Variants in MCPH1 observed in about 807,000 individuals in gnomAD.
MCPH1 encodes the protein microcephalin.
Under a neutral mutation model 84.5 loss-of-function variants are expected in MCPH1, and 104 were observed. The ratio of observed to expected loss-of-function variants is 1.23; its 90% CI spans 1.05 to 1.45. The LOEUF (loss-of-function observed/expected upper bound fraction) is 1.45. Among genes scored for constraint, MCPH1 ranks in the 40% most tolerant of loss-of-function variants. The probability of loss-of-function intolerance (pLI) is 0.00; values close to 1 mark genes in which losing one functional copy is unlikely to be tolerated. For missense variants in MCPH1, 1,498 were observed against 1,005.7 expected (o/e 1.49, Z -6.62); for synonymous variants, 514 against 366.8 (o/e 1.40, Z -4.58).
intron 12 of MCPH1, among the ~76,000 whole-genome samples, chr8:6,581,279 A>T (rs1054963527): frequency 1.3e-5 from 2 of 152,216 alleles, no homozygotes; most frequent in African/African-American, 4.8e-5. Flanking sequence ...CTACTGTTCA[A>T]GGTCATCACC....
chr8:6,505,251 T>TATGTATATATAGAATA (rs1563305171), intron 12 of MCPH1, among the ~76,000 whole-genome samples: 2 of 82,220 alleles, frequency 2.4e-5, no homozygotes, highest in African/African-American at 1.0e-4. Context: ...TATATATTCT[T>TATGTATATATAGAATA]TATATATGTT....
intron 8 of MCPH1, among the ~76,000 whole-genome samples, chr8:6,452,062 G>C (rs1259665202): frequency 6.6e-6 from 1 of 152,152 alleles, no homozygotes; most frequent in Non-Finnish European, 1.5e-5. Flanking sequence ...TTTGACACAA[G>C]CCAAGTTTCT....
chr8:6,638,410 C>T (rs554633353), intron 13 of MCPH1, among the ~76,000 whole-genome samples: 30 of 152,146 alleles, frequency 2.0e-4, no homozygotes, highest in African/African-American at 6.7e-4. Flanking sequence ...TGCTGGCAAT[C>T]GCAGTTTTAG....
chr8:6,626,212 T>A (rs1006513228), intron 13 of MCPH1: 17 of 985,264 alleles, frequency 1.7e-5, no homozygotes, highest in Non-Finnish European at 1.8e-5. Flanking sequence ...CTTGCTGGCA[T>A]AGAACAGGGA....
intron 12 of MCPH1, among the ~76,000 whole-genome samples, chr8:6,583,730 G>A (rs563649987): frequency 1.3e-5 from 2 of 151,848 alleles, no homozygotes; most frequent in South Asian, 4.2e-4. Flanking sequence ...CAAGTTATCC[G>A]AGGCAGGTTA....
In MCPH1 at chr8:6,425,151, T is replaced by A. The variant is rs17076830; in HGVS notation, c.234-6348T>A. Among the ~76,000 whole-genome samples the A allele has an allele frequency of 8.1e-3, 1,239 of 152,286 alleles. 21 individuals are homozygous for A. Among genetic ancestry groups the A allele is most frequent in the African/African-American group, 0.028 (1,159 of 41,548 alleles). On this transcript the variant is annotated intron_variant, in intron 3 of 13. Coordinates refer to ENST00000344683, the MANE Select transcript of MCPH1 (RefSeq NM_024596.5). The stretch of plus-strand genomic sequence containing the variant: ...GAAGTGCTGGAGTGAATCGGCTCTC[T>A]GGGGAGAATAAGCTCATCACAGCAC...
At chr8:6,558,749 T>C (rs1000372895) in intron 12 of MCPH1, among the ~76,000 whole-genome samples, 2 of 152,174 alleles carry the variant, frequency 1.3e-5, no homozygotes, top group African/African-American at 4.8e-5. Context: ...ATCTAAATAG[T>C]TAATCCAGTA....
chr8:6,414,454 C>G (rs565835194), intron 2 of MCPH1, among the ~76,000 whole-genome samples: 2 of 152,070 alleles, frequency 1.3e-5, no homozygotes, highest in Non-Finnish European at 2.9e-5. Flanking sequence ...TGACTCTTTC[C>G]ATCTTTAAAA....
At chr8:6,460,492 A>G (rs73661746) in intron 9 of MCPH1, among the ~76,000 whole-genome samples, 2,571 of 152,214 alleles carry the variant, frequency 0.017, 79 homozygotes, top group African/African-American at 0.059. Context: ...CTGGGATTAC[A>G]GGCGGGAGCC....
intron 12 of MCPH1, among the ~76,000 whole-genome samples, chr8:6,620,828 T>A (rs1831333988): frequency 6.6e-6 from 1 of 152,306 alleles, no homozygotes; most frequent in African/African-American, 2.4e-5. Flanking sequence ...TTCACATCCC[T>A]GCTTCTGAAA....
chr8:6,423,803 C>T (rs1464597533), intron 3 of MCPH1, among the ~76,000 whole-genome samples: 3 of 152,136 alleles, frequency 2.0e-5, no homozygotes, highest in South Asian at 2.1e-4. Flanking sequence ...TTTCCATTCT[C>T]ACTGGAATTA....
chr8:6,414,038 C>G (rs981943245), intron 2 of MCPH1, among the ~76,000 whole-genome samples: 3 of 152,200 alleles, frequency 2.0e-5, no homozygotes, highest in African/African-American at 7.2e-5. Context: ...CAGGTGTGAA[C>G]CACCACACCC....
intron 12 of MCPH1, chr8:6,503,192 T>A (rs748743250): frequency 1.2e-6 from 2 of 1,614,112 alleles, no homozygotes; most frequent in Non-Finnish European, 1.7e-6. Context: ...GTTGAACTTA[T>A]TTGTGTTCTG....
intron 9 of MCPH1, among the ~76,000 whole-genome samples, chr8:6,473,673 G>C (rs1488741391): frequency 6.6e-6 from 1 of 152,108 alleles, no homozygotes; most frequent in Non-Finnish European, 1.5e-5. Context: ...TATTTCATAT[G>C]TTTAGCTTTC....
In MCPH1 at chr8:6,527,073, C is replaced by T. The variant is rs189145462; in HGVS notation, c.2214+27144C>T. Among the ~76,000 whole-genome samples the T allele has an allele frequency of 1.1e-4, 17 of 152,286 alleles. No individual in the cohort carries two copies. In the East Asian group the frequency reaches 3.3e-3, roughly 29 times the overall value. ...CATTCTGCGTTGAGTGAAGCTAAGT[C>T]CCCAAGGGCAAAGGATCTTGGTCAA... On this transcript the variant is annotated intron_variant, in intron 12 of 13. Transcript: ENST00000344683.
At chr8:6,421,520 G>A (rs1800195591) in intron 3 of MCPH1, among the ~76,000 whole-genome samples, 1 of 151,136 alleles carries the variant, frequency 6.6e-6, no homozygotes, top group African/African-American at 2.4e-5. Context: ...TTTTTTAATG[G>A]CCCATGAGGT....
chr8:6,483,604 C>T (rs907695134), intron 11 of MCPH1, among the ~76,000 whole-genome samples: 1 of 152,122 alleles, frequency 6.6e-6, no homozygotes, highest in Non-Finnish European at 1.5e-5. Context: ...CATACACAAT[C>T]AAGAAAAGGA....
chr8:6,430,706 C>T (rs896655800), intron 3 of MCPH1, among the ~76,000 whole-genome samples: 7 of 151,972 alleles, frequency 4.6e-5, no homozygotes, highest in African/African-American at 1.7e-4. Context: ...TGAGTAGAGG[C>T]CTTATAAAAA....
intron 12 of MCPH1, among the ~76,000 whole-genome samples, chr8:6,534,038 C>T (rs1820038328): frequency 6.6e-6 from 1 of 152,076 alleles, no homozygotes; most frequent in Non-Finnish European, 1.5e-5. Context: ...TCTCTAAGCT[C>T]CCAGCTCCCT....
Sources: gnomAD v4.1 joint callset for allele counts (sites outside exome capture counted in the v4.1 genomes callset) on GRCh38, gnomAD v4.1.1 for gene constraint, MANE v1.5 for transcripts, NCBI Gene and HGNC (gene_info 2026-07-23, HGNC 2026-07-21) for gene names.